The following BCAS3 variants were observed in gnomAD, a reference collection of about 807,000 sequenced individuals.
BCAS3 encodes the protein BCAS4/BCAS3 fusion.
In BCAS3, 53 loss-of-function variants were observed where a neutral mutation model predicts 116.1. That is an observed-to-expected ratio of 0.46 (90% confidence interval 0.37 to 0.57). The LOEUF is 0.57. Among genes scored for constraint, BCAS3 ranks in the 20% least tolerant of loss-of-function variants. The pLI is 0.00. For missense variants in BCAS3, 917 were observed against 1,165.4 expected (o/e 0.79, Z 3.10); for synonymous variants, 391 against 408.2 (o/e 0.96, Z 0.51).
At chr17:61,311,446 C>T (rs909011832) in intron 22 of BCAS3, among the ~76,000 whole-genome samples, 3 of 152,198 alleles carry the variant, frequency 2.0e-5, no homozygotes, top group African/African-American at 7.2e-5. Context: ...TAGAGATCTC[C>T]AGTCAGGCTG....
chr17:60,794,254 TG>T (rs1295813009), intron 6 of BCAS3, among the ~76,000 whole-genome samples: 1 of 152,224 alleles, frequency 6.6e-6, no homozygotes, highest in Non-Finnish European at 1.5e-5. Flanking sequence ...TTGATGGGAT[TG>T]TTTTTTTCTT....
At chr17:61,357,260 A>G (rs531391708) in intron 22 of BCAS3, among the ~76,000 whole-genome samples, 1 of 130,410 alleles carries the variant, frequency 7.7e-6, no homozygotes, top group East Asian at 2.3e-4. Context: ...AAATAAATAA[A>G]TAAATAAATT....
Position 61,068,181 on chromosome 17 carries a change from C to T in BCAS3, c.2030-6739C>T, listed in dbSNP as rs951203039. The stretch of plus-strand genomic sequence containing the variant: ...TAGGGTAGCTATTTTGTATCTTGGT[C>T]CATTGAACTTGGATTTGCAAGATAT... On this transcript the variant is annotated intron_variant, in intron 19 of 23. Coordinates refer to ENST00000407086, the MANE Select transcript of BCAS3 (RefSeq NM_017679.5). The surrounding 1 kb of genome is among the most constrained non-coding windows in gnomAD (Gnocchi z 4.3). Among the ~76,000 whole-genome samples, 1 of 152,026 alleles carries T rather than the reference C, an allele frequency of 6.6e-6. No homozygotes were observed. The highest frequency in any genetic ancestry group is 1.5e-5 in the Non-Finnish European group (1 of 68,012).
chr17:60,702,488 T>A (rs1242488769), intron 4 of BCAS3, among the ~76,000 whole-genome samples: 1 of 152,196 alleles, frequency 6.6e-6, no homozygotes, highest in African/African-American at 2.4e-5. Context: ...GATAAAAAGT[T>A]GAATTGATTG....
chr17:60,790,086 T>C (rs2046628409), intron 6 of BCAS3, among the ~76,000 whole-genome samples: 1 of 152,168 alleles, frequency 6.6e-6, no homozygotes, highest in Non-Finnish European at 1.5e-5. Context: ...ATTCTCAGTA[T>C]AGGGCTTTTA....
In BCAS3 at chr17:61,065,917, A is replaced by T. The variant is rs922825986; in HGVS notation, c.2030-9003A>T. 6.6e-6 allele frequency among the ~76,000 whole-genome samples: 1 copy of T among 152,192 alleles called. No individual in the cohort carries two copies. Among genetic ancestry groups the T allele is most frequent in the African/African-American group, 2.4e-5 (1 of 41,454 alleles). ...TGCATTTAATCTTCATTTATAGATCAGTGTGAATTTTTGAATTAAGAGACT... is the reference window on the plus strand; with the variant it reads ...TGCATTTAATCTTCATTTATAGATCTGTGTGAATTTTTGAATTAAGAGACT... On this transcript the variant is annotated intron_variant, in intron 19 of 23. Coordinates refer to ENST00000407086, the MANE Select transcript of BCAS3 (RefSeq NM_017679.5). This position sits in a 1 kb window ranked among gnomAD's most constrained non-coding sequence, Gnocchi z 4.8.
chr17:60,875,153 A>G (rs182712726), intron 9 of BCAS3, among the ~76,000 whole-genome samples: 1,528 of 152,262 alleles, frequency 0.01, 11 homozygotes, highest in Non-Finnish European at 0.015. Context: ...TGAAAAAAAT[A>G]TATTTTTCGA....
chr17:61,071,671 T>C (rs918601509), intron 19 of BCAS3, among the ~76,000 whole-genome samples: 1 of 152,238 alleles, frequency 6.6e-6, no homozygotes, highest in Non-Finnish European at 1.5e-5. Context: ...TAAAACTGTA[T>C]AGAGAATCCA....
chr17:61,371,620 T>A (rs1254628917), intron 23 of BCAS3, among the ~76,000 whole-genome samples: 1 of 152,234 alleles, frequency 6.6e-6, no homozygotes, highest in Non-Finnish European at 1.5e-5. Context: ...TAATGCATGT[T>A]AATTAGCTCG....
Position 61,023,071 on chromosome 17 carries a change from C to T in BCAS3, c.1637+7170C>T, listed in dbSNP as rs1242549668. On this transcript the variant is annotated intron_variant, in intron 16 of 23. Coordinates refer to ENST00000407086, the MANE Select transcript of BCAS3 (RefSeq NM_017679.5). The surrounding 1 kb of genome is among the most constrained non-coding windows in gnomAD (Gnocchi z 4.8). ...TTACTACCAGTAATACGATAGGTCTCTTTGGTAGGGAGCAAGTAAAATTAA... is the reference window on the plus strand; with the variant it reads ...TTACTACCAGTAATACGATAGGTCTTTTTGGTAGGGAGCAAGTAAAATTAA... Among the ~76,000 whole-genome samples, 1 of 152,174 alleles carries T rather than the reference C, an allele frequency of 6.6e-6. No homozygotes were observed. The highest frequency in any genetic ancestry group is 1.9e-4 in the East Asian group (1 of 5,204).
At chr17:60,840,931 T>C (rs756978257) in intron 7 of BCAS3, among the ~76,000 whole-genome samples, 10 of 152,192 alleles carry the variant, frequency 6.6e-5, no homozygotes, top group Non-Finnish European at 1.5e-4. Flanking sequence ...ACTCTCCCTA[T>C]TGTCTCAATA....
chr17:61,357,814 C>T (rs1218091981), intron 22 of BCAS3, among the ~76,000 whole-genome samples: 1 of 151,240 alleles, frequency 6.6e-6, no homozygotes, highest in African/African-American at 2.4e-5. Flanking sequence ...AACAGCTGGG[C>T]ACAGTGGCTC....
intron 22 of BCAS3, among the ~76,000 whole-genome samples, chr17:61,294,310 G>A (rs1041043011): frequency 6.6e-6 from 1 of 151,996 alleles, no homozygotes; most frequent in Non-Finnish European, 1.5e-5. Context: ...CCCTACTCAC[G>A]GGTCCTTTCC....
At chr17:60,946,390 G>C (rs750409927) in intron 13 of BCAS3, among the ~76,000 whole-genome samples, 1 of 152,102 alleles carries the variant, frequency 6.6e-6, no homozygotes, top group African/African-American at 2.4e-5. Flanking sequence ...GAAGATCTTT[G>C]TGACCTTGGG....
chr17:61,168,953 C>G lies in BCAS3; in HGVS notation c.2425+84389C>G, dbSNP rs141968386. On this transcript the variant is annotated intron_variant, in intron 22 of 23. Coordinates refer to ENST00000407086, the MANE Select transcript of BCAS3 (RefSeq NM_017679.5). ...CCACAAATGGAAAAGTCTCACCTCT[C>G]AAGGTATAAGTGTGGATAAATACTC... is the stretch of plus-strand genomic sequence containing the variant. 6.9e-3 allele frequency among the ~76,000 whole-genome samples: 1,058 copies of G among 152,256 alleles called. 10 individuals carry two copies. The highest frequency in any genetic ancestry group is 7.2e-3 in the Non-Finnish European group (492 of 68,028).
Position 60,709,216 on chromosome 17 carries a change from C to A in BCAS3, c.215-3C>A. ...GCTTCTTTGTTACTTAATTCTAATG[C>A]AGATACATCAAGAAATCTGGAATTT... On this transcript the variant is annotated splice_polypyrimidine_tract_variant and splice_region_variant and intron_variant, in intron 4 of 23. Transcript: ENST00000407086. 1 of 1,423,498 alleles carries A rather than the reference C, an allele frequency of 7.0e-7. No individual in the cohort carries two copies. Among genetic ancestry groups the A allele is most frequent in the Non-Finnish European group, 9.9e-7 (1 of 1,014,360 alleles). 88.2% of individuals were successfully genotyped at this position (1,423,498 alleles called of 1,614,324 possible). A position where few individuals can be genotyped will look rare whatever the true frequency, so the allele number is the denominator to read the frequency against.
At chr17:61,185,656 C>T (rs1160902778) in intron 22 of BCAS3, among the ~76,000 whole-genome samples, 6 of 151,680 alleles carry the variant, frequency 4.0e-5, no homozygotes, top group Admixed American at 3.9e-4. Flanking sequence ...GTGTGCAAGA[C>T]AGAAAAAAAA....
At chr17:61,320,110 G>A (rs769014902) in intron 22 of BCAS3, among the ~76,000 whole-genome samples, 30 of 151,562 alleles carry the variant, frequency 2.0e-4, no homozygotes, top group Admixed American at 3.9e-4. Context: ...GGCTGGTCTC[G>A]AAGTCCTGCC....
chr17:60,919,465 C>T (rs1721215622), intron 12 of BCAS3, among the ~76,000 whole-genome samples: 1 of 152,128 alleles, frequency 6.6e-6, no homozygotes, highest in Admixed American at 6.6e-5. Context: ...TCTGGGACTA[C>T]AGGTGTGTGC....
Sources: gnomAD v4.1 joint callset for allele counts (sites outside exome capture counted in the v4.1 genomes callset) on GRCh38, gnomAD v4.1.1 for gene constraint, Gnocchi (gnomAD v3.1) non-coding constraint, MANE v1.5 for transcripts, NCBI Gene and HGNC (gene_info 2026-07-23, HGNC 2026-07-21) for gene names.